The following STPG4 variants were observed in gnomAD, a reference collection of about 807,000 sequenced individuals.
The protein encoded by STPG4 is protein STPG4.
STPG4 carries 41 observed loss-of-function variants against 31.5 expected under a neutral mutation model. The observed-to-expected ratio is 1.30, with a 90% confidence interval of 1.01 to 1.69. The LOEUF (loss-of-function observed/expected upper bound fraction) is 1.69. Ranked by LOEUF, STPG4 falls within the 40% of genes most tolerant of loss-of-function variation. The probability of loss-of-function intolerance (pLI) is 0.00; values close to 1 mark genes in which losing one functional copy is unlikely to be tolerated. For synonymous variants in STPG4, 141 were observed against 103.0 expected, an observed-to-expected ratio of 1.37 and a Z score of -2.24; for missense variants, 375 against 293.4, an observed-to-expected ratio of 1.28 and a Z score of -2.03.
In STPG4 at chr2:47,103,894, A is replaced by C. The variant is rs528902416; in HGVS notation, c.520-13520T>G. Among the ~76,000 whole-genome samples, 39 of 151,986 alleles carry C rather than the reference A, an allele frequency of 2.6e-4. 1 individual carries two copies. Among genetic ancestry groups the C allele is most frequent in the African/African-American group, 9.2e-4 (38 of 41,326 alleles). On this transcript the variant is annotated intron_variant, in intron 5 of 6. Coordinates refer to ENST00000445927, the MANE Select transcript of STPG4 (RefSeq NM_001163561.2). ...CACTGGCACAGCCTTCTCAGTGTTA[A>C]TCTCCTGTCCTGGACGACTATCCTC...
At chr2:47,111,449 CAATT>C (rs949215780) in intron 5 of STPG4, among the ~76,000 whole-genome samples, 3 of 152,098 alleles carry the variant, frequency 2.0e-5, no homozygotes, top group African/African-American at 7.2e-5. Flanking sequence ...GCAATAAAAT[CAATT>C]AAAGGGGAGG....
At chr2:47,150,361 TG>T (rs1233760191) in intron 3 of STPG4, among the ~76,000 whole-genome samples, 1 of 152,180 alleles carries the variant, frequency 6.6e-6, no homozygotes. Context: ...TAAATACCTC[TG>T]GGTCAGGAAC....
At chr2:47,151,922 T>G (rs1009662832) in intron 2 of STPG4, among the ~76,000 whole-genome samples, 42 of 37,166 alleles carry the variant, frequency 1.1e-3, no homozygotes, top group Middle Eastern at 0.016. Flanking sequence ...TTGTTTTGTT[T>G]TTTTTTTTTT....
At chr2:47,141,071 G>C (rs556605637) in intron 3 of STPG4, among the ~76,000 whole-genome samples, 3 of 152,030 alleles carry the variant, frequency 2.0e-5, no homozygotes, top group African/African-American at 7.2e-5. Flanking sequence ...ATTTTTAGTA[G>C]AGATGGGGTT....
chr2:47,154,215 AAT>A lies in STPG4; in HGVS notation c.81+954_81+955del, dbSNP rs1686986416. Among the ~76,000 whole-genome samples the A allele has an allele frequency of 4.6e-5, 7 of 152,324 alleles. No homozygotes were observed. In the South Asian group the frequency reaches 1.4e-3, roughly 32 times the overall value. On this transcript the variant is annotated intron_variant, in intron 1 of 6. Transcript: ENST00000445927. Reference sequence around the variant, plus strand: ...ACCACTGGGCTTTATTTTATTATGAAATATGTTAATTTCTTTAAAAAACATTT... The same window carrying A: ...ACCACTGGGCTTTATTTTATTATGAAATGTTAATTTCTTTAAAAAACATTT...
intron 5 of STPG4, among the ~76,000 whole-genome samples, chr2:47,126,995 T>G (rs1686378351): frequency 6.6e-6 from 1 of 152,124 alleles, no homozygotes; most frequent in South Asian, 2.1e-4. Context: ...GGTGGTCTTA[T>G]TTGGGTTAAA....
chr2:47,151,317 T>G lies in STPG4; in HGVS notation c.340A>C (p.Thr114Pro), dbSNP rs1686930656. 1 of 1,614,094 alleles carries G rather than the reference T, an allele frequency of 6.2e-7. No individual in the cohort carries two copies. The highest frequency in any genetic ancestry group is 1.7e-5 in the Admixed American group (1 of 60,008). The part of the protein sequence containing the change: ...FLDLLKKQVA[T>P]YSFKDKPRPS... The stretch of plus-strand genomic sequence containing the variant: ...CGTGGTTTGTCTTTGAATGAGTAAG[T>G]AGCCACTTGCTTCTTTAACAGGTCC... The change falls in exon 3 of 7, where the codon ACT becomes CCT. Residue 114 changes from threonine to proline, a missense_variant. Coordinates refer to ENST00000445927, the MANE Select transcript of STPG4 (RefSeq NM_001163561.2).
intron 5 of STPG4, among the ~76,000 whole-genome samples, chr2:47,090,679 C>T (rs535974774): frequency 1.3e-5 from 2 of 152,334 alleles, no homozygotes; most frequent in Admixed American, 6.5e-5. Context: ...CACTCAGGTC[C>T]CCCGTTCCCT....
chr2:47,143,199 G>C (rs1270799757), intron 3 of STPG4, among the ~76,000 whole-genome samples: 1 of 152,146 alleles, frequency 6.6e-6, no homozygotes, highest in Non-Finnish European at 1.5e-5. Flanking sequence ...GCATTGCTGA[G>C]TTTAAGGCTA....
At chr2:47,127,851 C>T (rs1021053518) in intron 5 of STPG4, among the ~76,000 whole-genome samples, 4 of 151,906 alleles carry the variant, frequency 2.6e-5, no homozygotes, top group South Asian at 2.1e-4. Flanking sequence ...TTATTTAATT[C>T]GATTGGTGAG....
intron 5 of STPG4, among the ~76,000 whole-genome samples, chr2:47,119,867 T>A (rs1323977845): frequency 6.6e-6 from 1 of 152,192 alleles, no homozygotes; most frequent in Non-Finnish European, 1.5e-5. Flanking sequence ...TAGGGCTAAA[T>A]GTGGGGAAAG....
intron 3 of STPG4, among the ~76,000 whole-genome samples, chr2:47,133,072 G>C (rs1392478745): frequency 1.3e-5 from 2 of 151,854 alleles, no homozygotes; most frequent in East Asian, 1.9e-4. Flanking sequence ...GTAGGAGACT[G>C]TTTTCCTGTT....
At chr2:47,114,737 A>C (rs1686111163) in intron 5 of STPG4, among the ~76,000 whole-genome samples, 1 of 152,060 alleles carries the variant, frequency 6.6e-6, no homozygotes, top group Non-Finnish European at 1.5e-5. Context: ...TCACTCCCTC[A>C]TTCTTAAACG....
intron 5 of STPG4, among the ~76,000 whole-genome samples, chr2:47,127,245 G>GCTCT (rs112377662): frequency 9.8e-6 from 1 of 102,372 alleles, no homozygotes; most frequent in Non-Finnish European, 2.0e-5. Flanking sequence ...TTGTCTTCAA[G>GCTCT]CTAATTCTTT....
At chr2:47,138,616 C>T (rs183987899) in intron 3 of STPG4, among the ~76,000 whole-genome samples, 4 of 152,188 alleles carry the variant, frequency 2.6e-5, no homozygotes, top group African/African-American at 9.6e-5. Flanking sequence ...GTGCCATGAT[C>T]TCAGCTCACT....
chr2:47,119,046 C>G (rs17036272), intron 5 of STPG4, among the ~76,000 whole-genome samples: 2 of 152,114 alleles, frequency 1.3e-5, no homozygotes, highest in Middle Eastern at 3.2e-3. Flanking sequence ...ATTTATCACA[C>G]GAAGGTTTGA....
chr2:47,104,089 A>G (rs1685853897), intron 5 of STPG4, among the ~76,000 whole-genome samples: 1 of 151,948 alleles, frequency 6.6e-6, no homozygotes, highest in Non-Finnish European at 1.5e-5. Context: ...TGGAGCTATT[A>G]TCTACATGAA....
chr2:47,120,940 GAGAC>G (rs1267388378), intron 5 of STPG4: 1 of 152,368 alleles, frequency 6.6e-6, no homozygotes, highest in African/African-American at 2.4e-5. Flanking sequence ...AGCCAAGAGA[GAGAC>G]AGCAGTCAAC....
At position 47,118,283 on chromosome 2, in the gene STPG4, T is replaced by C. The variant is rs560187769; in HGVS notation, c.519+11658A>G. ...GATTCTCATAGGAGCAGGAACCCTA[T>C]TGTGAACCGCACATGCAAGGGATCT... is the stretch of plus-strand genomic sequence containing the variant. On this transcript the variant is annotated intron_variant, in intron 5 of 6. Coordinates refer to ENST00000445927, the MANE Select transcript of STPG4 (RefSeq NM_001163561.2). Among the ~76,000 whole-genome samples, 9 of 152,210 alleles carry C rather than the reference T, an allele frequency of 5.9e-5. No individual in the cohort carries two copies. In the East Asian group the frequency reaches 1.2e-3, roughly 20 times the overall value.
Sources: gnomAD v4.1 joint callset for allele counts (sites outside exome capture counted in the v4.1 genomes callset) on GRCh38, gnomAD v4.1.1 for gene constraint, MANE v1.5 for transcripts, NCBI Gene and HGNC (gene_info 2026-07-23, HGNC 2026-07-21) for gene names.